SLC35D1: variants seen among roughly 807,000 people sequenced by gnomAD.
SLC35D1 encodes the protein solute carrier family 35 member D1, also known as nucleotide sugar transporter SLC35D1.
SLC35D1 carries 31 observed loss-of-function variants against 46.7 expected under a neutral mutation model. The observed-to-expected ratio is 0.66, with a 90% CI of 0.50 to 0.90. The LOEUF (loss-of-function observed/expected upper bound fraction) is 0.90. SLC35D1 is among the 40% of genes least tolerant of loss of function. SLC35D1 has a pLI of 0.00. For synonymous variants in SLC35D1, 195 were observed against 164.6 expected, an observed-to-expected ratio of 1.18 and a Z score of -1.41; for missense variants, 397 against 426.2, an observed-to-expected ratio of 0.93 and a Z score of 0.60.
intron 8 of SLC35D1, among the ~76,000 whole-genome samples, chr1:67,039,904 G>C (rs1668206168): frequency 6.6e-6 from 1 of 152,074 alleles, no homozygotes; most frequent in Non-Finnish European, 1.5e-5. Flanking sequence ...TTTATCCAAA[G>C]TCAGATGGTG....
At chr1:66,984,988 C>T in the SLC35D1 span, 2 of 1,444,540 alleles carry the variant, frequency 1.4e-6, no homozygotes, top group South Asian at 3.2e-5. Flanking sequence ...AAGTTGATTT[C>T]CTTGAAGCAG....
chr1:67,008,337 C>T (rs1667492025), intron 11 of SLC35D1: 2 of 967,732 alleles, frequency 2.1e-6, no homozygotes, highest in Non-Finnish European at 2.8e-6. Context: ...CGGGGTATCA[C>T]CATGTTGGCC....
intron 1 of SLC35D1, 36 bp downstream of exon 1, chr1:67,053,775 C>G: frequency 1.3e-6 from 2 of 1,507,662 alleles, no homozygotes; most frequent in South Asian, 2.5e-5. Flanking sequence ...GCCCGCTCCT[C>G]CTCCGCGGCC....
At chr1:66,994,534 C>T (rs1667218428), downstream of SLC35D1, among the ~76,000 whole-genome samples, 1 of 151,978 alleles carries the variant, frequency 6.6e-6, no homozygotes, top group Admixed American at 6.6e-5. Flanking sequence ...GCCCCAGCTC[C>T]TCGGGAGGCT....
At chr1:67,042,386 T>G (rs1054494603) in intron 7 of SLC35D1, 58 bp from the exon 8 acceptor site, 3 of 1,395,736 alleles carry the variant, frequency 2.1e-6, no homozygotes, top group Non-Finnish European at 2.0e-6. Flanking sequence ...GATACAACAC[T>G]GTACAAAATA....
intron 10 of SLC35D1, among the ~76,000 whole-genome samples, chr1:67,019,261 C>A (rs1667749176): frequency 6.6e-6 from 1 of 152,152 alleles, no homozygotes. Flanking sequence ...CGAAAGCCAT[C>A]CACTTTGCCC....
chr1:66,977,292 T>C, the SLC35D1 span, among the ~76,000 whole-genome samples: 2 of 152,104 alleles, frequency 1.3e-5, no homozygotes, highest in Admixed American at 6.5e-5. Context: ...GAATTTTTAT[T>C]AGAGACGGGG....
intron 8 of SLC35D1, among the ~76,000 whole-genome samples, chr1:67,034,803 A>C (rs946131586): frequency 1.2e-4 from 18 of 152,140 alleles, no homozygotes; most frequent in Non-Finnish European, 2.6e-4. Flanking sequence ...TCAGTATGAT[A>C]CTACCCATTC....
At chr1:67,027,939 C>T (rs1464559660) in intron 8 of SLC35D1, among the ~76,000 whole-genome samples, 2 of 152,052 alleles carry the variant, frequency 1.3e-5, no homozygotes, top group Non-Finnish European at 2.9e-5. Context: ...GCCATGTTGA[C>T]CAGGTTGGTC....
chr1:66,976,765 TA>T, the SLC35D1 span: 1 of 1,444,564 alleles, frequency 6.9e-7, no homozygotes, highest in African/African-American at 1.4e-5. Context: ...ACATTTTTGC[TA>T]AGCTTTTCTA....
chr1:67,007,043 A>G (rs1164549932), intron 11 of SLC35D1, among the ~76,000 whole-genome samples: 1 of 152,170 alleles, frequency 6.6e-6, no homozygotes, highest in Non-Finnish European at 1.5e-5. Flanking sequence ...ATTAAATGAG[A>G]TTACACGGAT....
chr1:66,977,887 C>T, the SLC35D1 span, among the ~76,000 whole-genome samples: 1 of 151,964 alleles, frequency 6.6e-6, no homozygotes, highest in Non-Finnish European at 1.5e-5. Context: ...TTAAAGCTGA[C>T]CAAATAATTA....
intron 8 of SLC35D1, among the ~76,000 whole-genome samples, chr1:67,038,984 C>T (rs1048080691): frequency 1.3e-5 from 2 of 151,892 alleles, no homozygotes; most frequent in Admixed American, 6.6e-5. Flanking sequence ...TTTTTTTCAT[C>T]GTTGGCCTCC....
intron 8 of SLC35D1, among the ~76,000 whole-genome samples, chr1:67,039,341 T>A (rs751636204): frequency 3.3e-5 from 5 of 152,244 alleles, no homozygotes; most frequent in African/African-American, 4.8e-5. Flanking sequence ...AATACGTTTA[T>A]GTGGTCCTAT....
At chr1:67,046,961 A>G (rs1645258091) in intron 7 of SLC35D1, among the ~76,000 whole-genome samples, 1 of 152,194 alleles carries the variant, frequency 6.6e-6, no homozygotes, top group East Asian at 1.9e-4. Context: ...GGTCCCTCGG[A>G]AAGTCCTCTA....
At chr1:67,051,293 ATTTTACAAT>A (rs1645305546) in intron 4 of SLC35D1, among the ~76,000 whole-genome samples, 1 of 152,140 alleles carries the variant, frequency 6.6e-6, no homozygotes, top group Admixed American at 6.5e-5. Flanking sequence ...TCTCCATTCT[ATTTTACAAT>A]GCCAGGGTTT....
the SLC35D1 span, among the ~76,000 whole-genome samples, chr1:66,980,311 CCAT>C: frequency 6.6e-6 from 1 of 152,138 alleles, no homozygotes. Flanking sequence ...GTATTCAAGA[CCAT>C]CTAATTGAAT....
chr1:66,973,480 G>A, the SLC35D1 span, among the ~76,000 whole-genome samples: 1 of 151,836 alleles, frequency 6.6e-6, no homozygotes, highest in Non-Finnish European at 1.5e-5. Flanking sequence ...CTTCTGTGTC[G>A]ATAAATCAGC....
chr1:66,986,145 T>C, the SLC35D1 span: 3 of 1,166,570 alleles, frequency 2.6e-6, no homozygotes, highest in South Asian at 9.4e-5. Context: ...AAGTGAAGTT[T>C]GAAAACTTTT....
Sources: allele counts gnomAD v4.1 joint callset (sites outside exome capture counted in the v4.1 genomes callset), GRCh38; gene constraint gnomAD v4.1.1; transcripts MANE v1.5; gene names NCBI Gene and HGNC (gene_info 2026-07-23, HGNC 2026-07-21).